The following PADI4 variants were observed in gnomAD, a reference collection of about 807,000 sequenced individuals.
PADI4 encodes the protein protein-arginine deiminase type-4.
PADI4 carries 62 observed loss-of-function variants against 75.0 expected under a neutral mutation model. The ratio of observed to expected loss-of-function variants is 0.83; its 90% CI spans 0.67 to 1.02. The LOEUF (loss-of-function observed/expected upper bound fraction) is 1.02. Among genes scored for constraint, PADI4 ranks in the 50% least tolerant of loss-of-function variants. The probability of loss-of-function intolerance (pLI) is 0.00; values close to 1 mark genes in which losing one functional copy is unlikely to be tolerated. For missense variants in PADI4, 845 were observed against 850.5 expected (o/e 0.99, Z 0.08); for synonymous variants, 361 against 348.1 (o/e 1.04, Z -0.41).
chr1:17,322,389 T>TGA (rs2074044455), intron 1 of PADI4, among the ~76,000 whole-genome samples: 1 of 152,062 alleles, frequency 6.6e-6, no homozygotes, highest in Non-Finnish European at 1.5e-5. Flanking sequence ...CTTGGGAGGC[T>TGA]GAGACAGGAG....
chr1:17,322,994 G>A (rs10888019), intron 1 of PADI4, among the ~76,000 whole-genome samples: 53,304 of 152,046 alleles, frequency 0.35, 9,496 homozygotes, highest in South Asian at 0.42. Context: ...GGTTTAGCTG[G>A]GTTCTCTACT....
chr1:17,339,855 C>T (rs771645730), intron 6 of PADI4, 42 bp downstream of exon 6: 55 of 1,553,584 alleles, frequency 3.5e-5, no homozygotes, highest in African/African-American at 8.2e-5. Context: ...CCCTGGCCAA[C>T]GGGGCACAAT....
intron 13 of PADI4, among the ~76,000 whole-genome samples, chr1:17,358,590 A>T (rs7546502): frequency 0.3 from 4,664 of 15,514 alleles, 2,218 homozygotes; most frequent in African/African-American, 0.92. Flanking sequence ...ATAATAATAA[A>T]AATAAAAATA....
chr1:17,348,717 A>C, intron 10 of PADI4: 1 of 152,230 alleles, frequency 6.6e-6, no homozygotes. Flanking sequence ...CAATAGGCCC[A>C]TTTTATAGAA....
At chr1:17,316,724 A>AC (rs1207454621) in intron 1 of PADI4, among the ~76,000 whole-genome samples, 1 of 148,966 alleles carries the variant, frequency 6.7e-6, no homozygotes, top group Non-Finnish European at 1.5e-5. Flanking sequence ...TTAATTAATT[A>AC]ATTAATTAAA....
chr1:17,354,184 C>T (rs1261882129), intron 10 of PADI4, among the ~76,000 whole-genome samples: 1 of 152,080 alleles, frequency 6.6e-6, no homozygotes, highest in African/African-American at 2.4e-5. Flanking sequence ...GCGGAGGTTG[C>T]AGTGGCTGAG....
intron 8 of PADI4, among the ~76,000 whole-genome samples, chr1:17,345,104 G>C (rs889708499): frequency 1.3e-5 from 2 of 152,248 alleles, no homozygotes; most frequent in African/African-American, 4.8e-5. Flanking sequence ...CCCACCTCTT[G>C]TGTCAGCATG....
At chr1:17,332,341 G>C (rs1475083473) in intron 2 of PADI4, among the ~76,000 whole-genome samples, 1 of 152,140 alleles carries the variant, frequency 6.6e-6, no homozygotes, top group Non-Finnish European at 1.5e-5. Context: ...CCGCCTCCTG[G>C]GTTCAAACGA....
chr1:17,308,590 C>T (rs565138275), intron 1 of PADI4, among the ~76,000 whole-genome samples: 1 of 152,322 alleles, frequency 6.6e-6, no homozygotes, highest in African/African-American at 2.4e-5. Context: ...TCCCTGTCTT[C>T]ATCGAGGCAA....
chr1:17,356,450 G>A lies in PADI4; in HGVS notation c.1549G>A (p.Gly517Arg). ...CCACGGGGAGGCCCTGCTGTTCGAA[G>A]GGATCAAGAGTAAGTCGGCCCTGCC... ...EGHGEALLFE[G>R]IKKKKQQKIK... The change falls in exon 13 of 16, where the codon GGG (glycine) becomes AGG (arginine). Residue 517 changes from glycine (G) to arginine (R), a missense_variant. By Grantham distance (125) the Gly-to-Arg change is moderately radical (BLOSUM62 -2). Transcript: ENST00000375448. The surrounding 1 kb of genome is among the most constrained non-coding windows in gnomAD (Gnocchi z 4.1). 1 of 1,601,000 alleles carries A rather than the reference G, an allele frequency of 6.2e-7. No homozygotes were observed. The highest frequency in any genetic ancestry group is 8.6e-7 in the Non-Finnish European group (1 of 1,168,578).
At position 17,318,771 on chromosome 1, in the gene PADI4, C is replaced by T. The variant is rs547717338; in HGVS notation, c.92+10457C>T. 3.2e-4 allele frequency among the ~76,000 whole-genome samples: 48 copies of T among 151,520 alleles called. No individual in the cohort carries two copies. In the South Asian group the frequency reaches 8.8e-3, roughly 28 times the overall value. On this transcript the variant is annotated intron_variant, in intron 1 of 15. Transcript: ENST00000375448. ...CGCGATCTTGGCTCACTGCAAACTC[C>T]GCCTCCCGGGTTCATGCCATTCTCT...
At chr1:17,359,619 A>G (rs1374335898) in intron 15 of PADI4, among the ~76,000 whole-genome samples, 1 of 152,110 alleles carries the variant, frequency 6.6e-6, no homozygotes, top group East Asian at 1.9e-4. Context: ...TGCTATTTCC[A>G]TCATAAAATC....
rs1314140850 is a variant in PADI4, at chr1:17,363,846, C to G, written c.*91C>G. 2 of 894,462 alleles carry G rather than the reference C, an allele frequency of 2.2e-6. No individual in the cohort carries two copies. Among genetic ancestry groups the G allele is most frequent in the Admixed American group, 2.3e-5 (1 of 44,400 alleles). The allele number at this position is 894,462 out of a possible 1,614,324, so 55.4% of individuals were successfully genotyped here. Reference sequence around the variant, plus strand: ...GCAAGAGCTCTTGTGAATATTGTGGCTCCCTGGGGGCGGCCAGCCCTCCCA... The same window carrying G: ...GCAAGAGCTCTTGTGAATATTGTGGGTCCCTGGGGGCGGCCAGCCCTCCCA... On this transcript the variant is annotated 3_prime_UTR_variant, in exon 16 of 16. Transcript: ENST00000375448.
rs1171082474 is a variant in PADI4, at chr1:17,350,586, CT to C, written c.1155+2540del. Among the ~76,000 whole-genome samples, 2 of 130,908 alleles carry C rather than the reference CT, an allele frequency of 1.5e-5. 1 individual carries two copies. Among genetic ancestry groups the C allele is most frequent in the African/African-American group, 5.0e-5 (2 of 40,264 alleles). 85.9% of individuals were successfully genotyped at this position (130,908 alleles called of 152,430 possible). A position where few individuals can be genotyped will look rare whatever the true frequency, so the allele number is the denominator to read the frequency against. ...ATGAGCGTCCCCCACACAGCCCACT[CT>C]TGGGGGGCCACTTCTGCAGACTATG... On this transcript the variant is annotated intron_variant, in intron 10 of 15. Transcript: ENST00000375448.
At chr1:17,347,734 G>A (rs1008798586) in intron 9 of PADI4, among the ~76,000 whole-genome samples, 3 of 152,328 alleles carry the variant, frequency 2.0e-5, no homozygotes, top group Middle Eastern at 3.4e-3. Flanking sequence ...GGGCACTCCT[G>A]CAGGCTCATG....
At chr1:17,349,534 G>A (rs961458611) in intron 10 of PADI4, among the ~76,000 whole-genome samples, 3 of 151,960 alleles carry the variant, frequency 2.0e-5, no homozygotes, top group Non-Finnish European at 4.4e-5. Flanking sequence ...GCGAAATCCC[G>A]TCTCTACTAA....
chr1:17,341,106 T>C (rs1374662989), intron 6 of PADI4, among the ~76,000 whole-genome samples: 3 of 149,874 alleles, frequency 2.0e-5, no homozygotes, highest in Non-Finnish European at 4.5e-5. Context: ...TGTTTCTTTT[T>C]TTTTTTTTTT....
At chr1:17,316,699 A>T (rs537605136) in intron 1 of PADI4, among the ~76,000 whole-genome samples, 7 of 146,798 alleles carry the variant, frequency 4.8e-5, no homozygotes, top group African/African-American at 1.8e-4. Flanking sequence ...CAAAATAAAT[A>T]AATAAATAAA....
intron 4 of PADI4, among the ~76,000 whole-genome samples, chr1:17,336,582 C>A (rs904355797): frequency 6.6e-6 from 1 of 151,998 alleles, no homozygotes; most frequent in Admixed American, 6.6e-5. Context: ...GCAGAGCTGT[C>A]TACATGGGGG....
Sources: allele counts gnomAD v4.1 joint callset (sites outside exome capture counted in the v4.1 genomes callset), GRCh38; gene constraint gnomAD v4.1.1; non-coding constraint Gnocchi (gnomAD v3.1); transcripts MANE v1.5; gene names NCBI Gene and HGNC (gene_info 2026-07-23, HGNC 2026-07-21).